MEGF9: variants seen among roughly 807,000 people sequenced by gnomAD.
MEGF9 encodes multiple EGF like domains 9.
MEGF9 carries 6 observed loss-of-function variants against 46.8 expected under a neutral mutation model. The observed-to-expected ratio is 0.13, with a 90% CI of 0.07 to 0.25. The LOEUF is 0.25. Ranked by LOEUF, MEGF9 falls within the 10% of genes least tolerant of loss-of-function variation. The probability of loss-of-function intolerance (pLI) is 1.00; values close to 1 mark genes in which losing one functional copy is unlikely to be tolerated. For missense variants in MEGF9, 683 were observed against 792.4 expected (o/e 0.86, Z 1.66); for synonymous variants, 302 against 330.7 (o/e 0.91, Z 0.94).
Position 120,601,437 on chromosome 9 carries a change from A to G in MEGF9, c.*3753T>C, listed in dbSNP as rs868211251. 1.3e-5 allele frequency: 2 copies of G among 152,224 alleles called. No homozygotes were observed. The highest frequency in any genetic ancestry group is 6.5e-5 in the Admixed American group (1 of 15,278). 9.4% of individuals were successfully genotyped at this position (152,224 alleles called of 1,614,324 possible). ...GTTGCTTTAGTTTTCTACTCCCAAA[A>G]CAGCACTTAAAGGGTTAAATATCCT... On this transcript the variant is annotated 3_prime_UTR_variant, in exon 6 of 6. Transcript: ENST00000373930.
Position 120,714,113 on chromosome 9 carries a change from G to C in MEGF9, c.246C>G (p.Pro82=). 8.0e-7 allele frequency: 1 copy of C among 1,244,724 alleles called. No individual in the cohort carries two copies. The highest frequency in any genetic ancestry group is 1.0e-6 in the Non-Finnish European group (1 of 994,236). The allele number at this position is 1,244,724 out of a possible 1,614,324, so 77.1% of individuals were successfully genotyped here. ...APTAQAPRTG[P]PRATVHRPLA... ...GGGGTCGGTGGACGGTGGCGCGCGG[G>C]GGCCCGGTCCTCGGGGCCTGGGCCG... Residue 82 remains proline (P), a synonymous_variant, in exon 1 of 6, where the codon CCC becomes CCG. Transcript: ENST00000373930.
chr9:120,686,965 A>ATG (rs985544360), intron 1 of MEGF9, among the ~76,000 whole-genome samples: 1 of 149,316 alleles, frequency 6.7e-6, no homozygotes, highest in Admixed American at 6.7e-5. Flanking sequence ...GTGTGTGTGT[A>ATG]TGTGTATATA....
At chr9:120,645,997 G>A (rs1385401117) in intron 2 of MEGF9, among the ~76,000 whole-genome samples, 3 of 152,168 alleles carry the variant, frequency 2.0e-5, no homozygotes, top group African/African-American at 7.2e-5. Flanking sequence ...CAGGGAGAGG[G>A]TGTGGGCCTG....
chr9:120,688,291 G>A (rs987354902), intron 1 of MEGF9, among the ~76,000 whole-genome samples: 3 of 151,990 alleles, frequency 2.0e-5, no homozygotes, highest in African/African-American at 7.3e-5. Flanking sequence ...TCTCTGCCTG[G>A]GGTAGCCAAG....
At chr9:120,626,380 A>G (rs1041244915) in intron 2 of MEGF9, among the ~76,000 whole-genome samples, 1 of 152,262 alleles carries the variant, frequency 6.6e-6, no homozygotes, top group African/African-American at 2.4e-5. Flanking sequence ...TTCTTGTGGT[A>G]GTAATGCTCA....
At chr9:120,622,794 A>T in intron 2 of MEGF9, 39 bp from the exon 3 acceptor site, 1 of 1,608,472 alleles carries the variant, frequency 6.2e-7, no homozygotes, top group Non-Finnish European at 8.5e-7. Flanking sequence ...AAAGTAAATC[A>T]ATTTAAAAGT....
intron 4 of MEGF9, 142 bp from the exon 5 acceptor site, chr9:120,608,152 G>C: frequency 3.3e-6 from 3 of 897,460 alleles, no homozygotes; most frequent in Non-Finnish European, 5.0e-6. Flanking sequence ...CCAGGAGTTT[G>C]AGACCAGCCT....
chr9:120,633,123 A>C (rs2043557900), intron 2 of MEGF9, among the ~76,000 whole-genome samples: 1 of 152,152 alleles, frequency 6.6e-6, no homozygotes, highest in Non-Finnish European at 1.5e-5. Context: ...GTTAGGGAGA[A>C]TTCCCTTCTC....
At chr9:120,643,582 G>A (rs1292134933) in intron 2 of MEGF9, among the ~76,000 whole-genome samples, 2 of 152,052 alleles carry the variant, frequency 1.3e-5, no homozygotes, top group African/African-American at 4.8e-5. Context: ...TTGAATGACT[G>A]CTTCAAATAA....
At chr9:120,615,655 G>A (rs934532717) in intron 3 of MEGF9, among the ~76,000 whole-genome samples, 5 of 152,080 alleles carry the variant, frequency 3.3e-5, no homozygotes, top group African/African-American at 1.2e-4. Context: ...AGCACTTTGG[G>A]AGGTCAATGC....
At chr9:120,652,493 A>C (rs902044602) in intron 2 of MEGF9, among the ~76,000 whole-genome samples, 4 of 150,414 alleles carry the variant, frequency 2.7e-5, no homozygotes, top group South Asian at 2.1e-4. Context: ...AAAAAAAAAA[A>C]AAAAAAAAAA....
chr9:120,606,170 CAA>C (rs533329431), intron 5 of MEGF9, among the ~76,000 whole-genome samples: 4,589 of 65,860 alleles, frequency 0.07, 202 homozygotes, highest in African/African-American at 0.2. Context: ...GACTCTGTCT[CAA>C]AAAAAAAAAA....
chr9:120,647,636 TA>T (rs1036669483), intron 2 of MEGF9, among the ~76,000 whole-genome samples: 3 of 151,860 alleles, frequency 2.0e-5, no homozygotes, highest in African/African-American at 7.3e-5. Context: ...TATCTTAAAA[TA>T]AAAAAAAGTG....
rs750751150 is a variant in MEGF9, at chr9:120,607,755, T to C, written c.1343A>G (p.Asn448Ser). The change falls in exon 5 of 6, where the codon AAT becomes AGT. Residue 448 changes from asparagine to serine, a missense_variant. Physicochemically the swap from Asn to Ser is conservative, Grantham distance 46 (BLOSUM62 1). Transcript: ENST00000373930. ...TGAAGTTTTACCTTTCTTGATGCAA[T>C]TTCCCTCGAGGTCGTGAACATAACC... The part of the protein sequence containing the change: ...LEGYVHDLEG[N>S]CIKKEVILPT... 2 of 1,609,598 alleles carry C rather than the reference T, an allele frequency of 1.2e-6. No individual in the cohort carries two copies. The highest frequency in any genetic ancestry group is 3.3e-5 in the Admixed American group (2 of 59,970).
At chr9:120,611,903 A>AAG (rs2043449194) in intron 4 of MEGF9, among the ~76,000 whole-genome samples, 1 of 151,196 alleles carries the variant, frequency 6.6e-6, no homozygotes, top group Non-Finnish European at 1.5e-5. Flanking sequence ...GAAAGAAAGA[A>AAG]AGGAAAAAAT....
intron 1 of MEGF9, among the ~76,000 whole-genome samples, chr9:120,702,567 T>C (rs942817951): frequency 6.6e-6 from 1 of 152,204 alleles, no homozygotes. Flanking sequence ...CATATGTATA[T>C]TGCTGCTTAA....
chr9:120,619,586 C>T (rs1229756665), intron 3 of MEGF9, among the ~76,000 whole-genome samples: 3 of 152,162 alleles, frequency 2.0e-5, no homozygotes, highest in Non-Finnish European at 4.4e-5. Flanking sequence ...TAATAATATA[C>T]TGCCTAGATA....
intron 1 of MEGF9, among the ~76,000 whole-genome samples, chr9:120,666,961 A>C (rs903093396): frequency 6.6e-6 from 1 of 152,184 alleles, no homozygotes; most frequent in African/African-American, 2.4e-5. Flanking sequence ...GGAGCAATAC[A>C]GGGGAATTTT....
chr9:120,691,419 A>G (rs773943630), intron 1 of MEGF9: 2 of 489,800 alleles, frequency 4.1e-6, no homozygotes, highest in African/African-American at 4.0e-5. Flanking sequence ...CGTTACTCTC[A>G]CAGGCATATT....
Sources: allele counts gnomAD v4.1 joint callset (sites outside exome capture counted in the v4.1 genomes callset), GRCh38; gene constraint gnomAD v4.1.1; transcripts MANE v1.5; gene names NCBI Gene and HGNC (gene_info 2026-07-23, HGNC 2026-07-21).